CLVS2: variants seen among roughly 807,000 people sequenced by gnomAD.
CLVS2 encodes clavesin-2.
A neutral mutation model predicts 29.0 loss-of-function variants in CLVS2; 19 were observed. The ratio of observed to expected loss-of-function variants is 0.66; its 90% CI spans 0.46 to 0.96. CLVS2 has a LOEUF of 0.96. Among genes scored for constraint, CLVS2 ranks in the 40% least tolerant of loss-of-function variants. The pLI, the probability that CLVS2 is intolerant of heterozygous loss-of-function variation, is 0.00. For synonymous variants in CLVS2, 161 were observed against 151.3 expected (o/e 1.06, Z -0.47); for missense variants, 294 against 404.1 (o/e 0.73, Z 2.34).
At chr6:123,045,659 G>T (rs1170729647) in intron 3 of CLVS2, among the ~76,000 whole-genome samples, 6 of 152,170 alleles carry the variant, frequency 3.9e-5, no homozygotes, top group Non-Finnish European at 8.8e-5. Context: ...TAGGGTAGGG[G>T]ATGATGTGAG....
At chr6:123,063,557 T>A in intron 5 of CLVS2, 117 bp from the exon 6 acceptor site, 1 of 615,006 alleles carries the variant, frequency 1.6e-6, no homozygotes, top group Non-Finnish European at 2.9e-6. Flanking sequence ...CATAAATTTC[T>A]TGATATAGAG....
At chr6:123,027,846 G>A (rs1775026047) in intron 3 of CLVS2, among the ~76,000 whole-genome samples, 1 of 152,114 alleles carries the variant, frequency 6.6e-6, no homozygotes, top group Non-Finnish European at 1.5e-5. Flanking sequence ...ATCTCTTGTG[G>A]AAAGGATTTG....
chr6:123,030,627 G>A (rs1775069432), intron 3 of CLVS2, among the ~76,000 whole-genome samples: 1 of 152,010 alleles, frequency 6.6e-6, no homozygotes, highest in Non-Finnish European at 1.5e-5. Flanking sequence ...AGTGGAACTA[G>A]GCTGTAGACT....
intron 3 of CLVS2, among the ~76,000 whole-genome samples, chr6:123,041,243 C>A (rs1455164527): frequency 6.6e-6 from 1 of 152,010 alleles, no homozygotes; most frequent in East Asian, 1.9e-4. Context: ...AAGTTGAAAA[C>A]TCTCCCTGTC....
intron 5 of CLVS2, among the ~76,000 whole-genome samples, chr6:123,060,885 T>G (rs1434164056): frequency 6.6e-6 from 1 of 152,228 alleles, no homozygotes; most frequent in Admixed American, 6.5e-5. Flanking sequence ...AAATCTAGTT[T>G]CTTAAACACT....
rs1775007666 is a variant in CLVS2, at chr6:123,026,789, A to G, written c.564+15630A>G. The stretch of plus-strand genomic sequence containing the variant: ...TTCAGTCTGGTAGCCATCAATAAGC[A>G]CCATTTAAAAATAGTTTTATGAAAA... On this transcript the variant is annotated intron_variant, in intron 3 of 5. Coordinates refer to ENST00000275162, the MANE Select transcript of CLVS2 (RefSeq NM_001010852.4). Among the ~76,000 whole-genome samples, 2 of 152,204 alleles carry G rather than the reference A, an allele frequency of 1.3e-5. 1 individual carries two copies. Among genetic ancestry groups the G allele is most frequent in the South Asian group, 4.1e-4 (2 of 4,834 alleles).
chr6:123,055,473 A>G (rs1307184878), intron 4 of CLVS2, among the ~76,000 whole-genome samples: 1 of 152,186 alleles, frequency 6.6e-6, no homozygotes, highest in East Asian at 1.9e-4. Flanking sequence ...TAACACCAGG[A>G]TGATGTACAG....
At chr6:123,016,377 A>G (rs923525463) in intron 3 of CLVS2, among the ~76,000 whole-genome samples, 2 of 151,592 alleles carry the variant, frequency 1.3e-5, no homozygotes, top group Non-Finnish European at 2.9e-5. Context: ...TTTTTAATAA[A>G]ATGTCTCTAA....
chr6:123,006,889 A>G (rs1774676881), intron 2 of CLVS2, among the ~76,000 whole-genome samples: 1 of 152,190 alleles, frequency 6.6e-6, no homozygotes, highest in African/African-American at 2.4e-5. Context: ...CAGGGGAACA[A>G]AGTCTTATTT....
chr6:123,004,944 A>AAAAAC (rs1383927601), intron 2 of CLVS2, among the ~76,000 whole-genome samples: 1 of 60,994 alleles, frequency 1.6e-5, no homozygotes, highest in African/African-American at 1.0e-4. Flanking sequence ...AAACAAAAAC[A>AAAAAC]AAAAACAAAA....
rs117851821 is a variant in CLVS2, at chr6:123,045,588, C to T, written c.565-3034C>T. 4.4e-4 allele frequency among the ~76,000 whole-genome samples: 67 copies of T among 152,272 alleles called. No individual in the cohort carries two copies. The East Asian group carries it at 7.5e-3, about 17-fold the overall frequency. ...TGGTCCCTTAAATCTTGCTCAGGTACATCTCATTGGCAGAACTCTCCCATT... is the reference window on the plus strand; with the variant it reads ...TGGTCCCTTAAATCTTGCTCAGGTATATCTCATTGGCAGAACTCTCCCATT... On this transcript the variant is annotated intron_variant, in intron 3 of 5. Transcript: ENST00000275162.
chr6:123,066,029 T>G lies in CLVS2; in HGVS notation c.*2268T>G, dbSNP rs1239720454. 1 of 151,754 alleles carries G rather than the reference T, an allele frequency of 6.6e-6. No homozygotes were observed. Among genetic ancestry groups the G allele is most frequent in the Non-Finnish European group, 1.5e-5 (1 of 67,736 alleles). The allele number at this position is 151,754 out of a possible 1,614,324, so 9.4% of individuals were successfully genotyped here. ...TCATCTTTAGATGAGCAATTGAGAGTTGGCTAGATTGTGTAAAATATTTTA... is the reference window on the plus strand; with the variant it reads ...TCATCTTTAGATGAGCAATTGAGAGGTGGCTAGATTGTGTAAAATATTTTA... On this transcript the variant is annotated 3_prime_UTR_variant, in exon 6 of 6. Transcript: ENST00000275162.
At chr6:123,029,070 G>A (rs970364720) in intron 3 of CLVS2, among the ~76,000 whole-genome samples, 1 of 152,132 alleles carries the variant, frequency 6.6e-6, no homozygotes, top group Non-Finnish European at 1.5e-5. Context: ...AATCAAGAAG[G>A]AGACCCTCAC....
At chr6:123,025,654 A>C (rs1386113847) in intron 3 of CLVS2, among the ~76,000 whole-genome samples, 2 of 152,306 alleles carry the variant, frequency 1.3e-5, no homozygotes, top group East Asian at 1.9e-4. Context: ...CCTTGCTTAA[A>C]GGGAGCTACT....
rs1207073348 is a variant in CLVS2, at chr6:123,066,996, G to A, written c.*3235G>A. On this transcript the variant is annotated 3_prime_UTR_variant, in exon 6 of 6. Transcript: ENST00000275162. ...GTATTAAACAGAGTTTTGCAAGCAA[G>A]TTTTTGAAGTGGGCATGCATGAATT... The A allele has an allele frequency of 2.0e-5, 3 of 151,684 alleles. No homozygotes were observed. Among genetic ancestry groups the A allele is most frequent in the African/African-American group, 4.8e-5 (2 of 41,410 alleles). 9.4% of individuals were successfully genotyped at this position (151,684 alleles called of 1,614,324 possible).
intron 5 of CLVS2, among the ~76,000 whole-genome samples, chr6:123,061,515 A>G (rs1772778001): frequency 1.3e-5 from 2 of 152,198 alleles, no homozygotes; most frequent in Non-Finnish European, 2.9e-5. Context: ...ATTAATCACA[A>G]ATTGTTTCTG....
rs1321920789 is a variant in CLVS2 at position 123,069,099 on chromosome 6, G to A, written c.*5338G>A. 1 of 151,552 alleles carries A rather than the reference G, an allele frequency of 6.6e-6. No homozygotes were observed. Among genetic ancestry groups the A allele is most frequent in the African/African-American group, 2.4e-5 (1 of 41,342 alleles). The allele number at this position is 151,552 out of a possible 1,614,324, so 9.4% of individuals were successfully genotyped here. Reference sequence around the variant, plus strand: ...CAAAGAGGAAAATATATAGTAATTTGTTTCATCAAAATGACGTATTCAATA... The same window carrying A: ...CAAAGAGGAAAATATATAGTAATTTATTTCATCAAAATGACGTATTCAATA... On this transcript the variant is annotated 3_prime_UTR_variant, in exon 6 of 6. Coordinates refer to ENST00000275162, the MANE Select transcript of CLVS2 (RefSeq NM_001010852.4).
chr6:123,004,961 A>C (rs894384896), intron 2 of CLVS2, among the ~76,000 whole-genome samples: 5 of 132,504 alleles, frequency 3.8e-5, no homozygotes, highest in African/African-American at 8.4e-5. Flanking sequence ...AAAAAAAAAA[A>C]AAACCAATTA....
intron 3 of CLVS2, among the ~76,000 whole-genome samples, chr6:123,045,619 T>A (rs1475825835): frequency 1.3e-5 from 2 of 152,214 alleles, no homozygotes; most frequent in Non-Finnish European, 2.9e-5. Flanking sequence ...CCATTTAGAA[T>A]GCTATGTTTA....
Sources: gnomAD v4.1 joint callset for allele counts (sites outside exome capture counted in the v4.1 genomes callset) on GRCh38, gnomAD v4.1.1 for gene constraint, MANE v1.5 for transcripts, NCBI Gene and HGNC (gene_info 2026-07-23, HGNC 2026-07-21) for gene names.